SOS2: variants seen among roughly 807,000 people sequenced by gnomAD.
SOS2 encodes the protein son of sevenless homolog 2.
A neutral mutation model predicts 148.2 loss-of-function variants in SOS2; 65 were observed. That is an observed-to-expected ratio of 0.44 (90% CI 0.36 to 0.54). SOS2 has a LOEUF of 0.54. Among genes scored for constraint, SOS2 ranks in the 20% least tolerant of loss-of-function variants. SOS2 has a pLI of 0.00. For synonymous variants in SOS2, 539 were observed against 537.1 expected, an observed-to-expected ratio of 1.00 and a Z score of -0.05; for missense variants, 1,341 against 1,590.2, an observed-to-expected ratio of 0.84 and a Z score of 2.67.
At chr14:50,126,744 T>C (rs1256438883) in intron 21 of SOS2, among the ~76,000 whole-genome samples, 4 of 150,540 alleles carry the variant, frequency 2.7e-5, no homozygotes, top group Non-Finnish European at 4.4e-5. Context: ...GACAAGAAAA[T>C]TGGAGGATCA....
At chr14:50,211,032 G>GATAT (rs4028229) in intron 1 of SOS2, among the ~76,000 whole-genome samples, 2,438 of 149,202 alleles carry the variant, frequency 0.016, 27 homozygotes, top group African/African-American at 0.028. Context: ...TCCACTATAG[G>GATAT]ATATATATAT....
intron 14 of SOS2, among the ~76,000 whole-genome samples, 187 bp downstream of exon 14, chr14:50,149,821 A>C (rs545242066): frequency 6.6e-6 from 1 of 152,212 alleles, no homozygotes; most frequent in Non-Finnish European, 1.5e-5. Flanking sequence ...GCTAGTCCCC[A>C]GTCTAGACAT....
intron 1 of SOS2, among the ~76,000 whole-genome samples, chr14:50,225,583 G>A (rs1157124445): frequency 2.0e-5 from 3 of 152,092 alleles, no homozygotes; most frequent in African/African-American, 4.8e-5. Flanking sequence ...CATTCCTACC[G>A]CTCATCTAGT....
rs183837233 is a variant in SOS2 at position 50,213,688 on chromosome 14, A to C, written c.88-9279T>G. Among the ~76,000 whole-genome samples, 946 of 152,034 alleles carry C rather than the reference A, an allele frequency of 6.2e-3. 15 individuals carry two copies. Among genetic ancestry groups the C allele is most frequent in the African/African-American group, 8.6e-3 (357 of 41,466 alleles). On this transcript the variant is annotated intron_variant, in intron 1 of 22. Coordinates refer to ENST00000216373, the MANE Select transcript of SOS2 (RefSeq NM_006939.4). ...CCTGTCCCCCCCACCCCAAAAAAAA[A>C]CCCCAAAAATAGCATTTACAGTCAT... is the stretch of plus-strand genomic sequence containing the variant.
chr14:50,189,869 GAC>G (rs1372744223), intron 4 of SOS2, among the ~76,000 whole-genome samples: 2 of 145,566 alleles, frequency 1.4e-5, no homozygotes, highest in South Asian at 2.2e-4. Flanking sequence ...TTTTTTGTGA[GAC>G]ACAGTCTTGC....
chr14:50,137,618 A>G (rs12879671), intron 18 of SOS2, among the ~76,000 whole-genome samples: 45,307 of 152,034 alleles, frequency 0.3, 7,823 homozygotes, highest in Non-Finnish European at 0.4. Context: ...AATAATTATG[A>G]TATTTCTTAC....
intron 1 of SOS2, among the ~76,000 whole-genome samples, chr14:50,208,521 G>A (rs1214680119): frequency 6.6e-6 from 1 of 151,912 alleles, no homozygotes; most frequent in Non-Finnish European, 1.5e-5. Flanking sequence ...GGTGGCAGGT[G>A]CCTGTAGTCC....
intron 1 of SOS2, among the ~76,000 whole-genome samples, chr14:50,219,013 T>TGAGGCAGGAGAATCACTTGAACCCGG (rs2139846336): frequency 6.6e-6 from 1 of 151,938 alleles, no homozygotes; most frequent in East Asian, 1.9e-4. Context: ...CTCAGGAGGC[T>TGAGGCAGGAGAATCACTTGAACCCGG]GAGGCAGGAG....
At chr14:50,164,499 T>TG (rs1885112089) in intron 8 of SOS2, among the ~76,000 whole-genome samples, 1 of 151,442 alleles carries the variant, frequency 6.6e-6, no homozygotes, top group South Asian at 2.1e-4. Context: ...GACGTGGTGG[T>TG]GCATGCCTGT....
intron 16 of SOS2, among the ~76,000 whole-genome samples, chr14:50,144,046 A>C (rs1316588043): frequency 6.6e-6 from 1 of 152,180 alleles, no homozygotes; most frequent in South Asian, 2.1e-4. Flanking sequence ...AAAGTCTTAA[A>C]GTATATAAAT....
At chr14:50,223,323 C>T (rs1162947609) in intron 1 of SOS2, among the ~76,000 whole-genome samples, 1 of 152,004 alleles carries the variant, frequency 6.6e-6, no homozygotes, top group Non-Finnish European at 1.5e-5. Context: ...ATGCTTGGGC[C>T]CAGGAGTTGG....
intron 16 of SOS2, among the ~76,000 whole-genome samples, chr14:50,142,422 T>C (rs769156257): frequency 6.6e-6 from 1 of 152,176 alleles, no homozygotes; most frequent in Non-Finnish European, 1.5e-5. Context: ...TTTTCCTCTA[T>C]TCCCCTCTAA....
At chr14:50,153,669 A>G (rs1884731156) in intron 12 of SOS2, among the ~76,000 whole-genome samples, 1 of 152,042 alleles carries the variant, frequency 6.6e-6, no homozygotes, top group Non-Finnish European at 1.5e-5. Context: ...CTGGAGTGCA[A>G]TGGTGCGATC....
rs900821594 is a variant in SOS2, at chr14:50,231,426, C to G, written c.-143G>C. ...GGCTACGGCCGAGGCGGCTCGGAGG[C>G]GGCGCCGGCGGGCTGGCGGAGACCC... is the stretch of plus-strand genomic sequence containing the variant. On this transcript the variant is annotated 5_prime_UTR_variant, in exon 1 of 23. Transcript: ENST00000216373. 1.2e-5 allele frequency: 2 copies of G among 162,664 alleles called. No homozygotes were observed. The highest frequency in any genetic ancestry group is 2.5e-5 in the Non-Finnish European group (2 of 79,520). The allele number at this position is 162,664 out of a possible 1,614,324, so 10.1% of individuals were successfully genotyped here. A position where few individuals can be genotyped will look rare whatever the true frequency, so the allele number is the denominator to read the frequency against.
chr14:50,153,214 T>C, intron 12 of SOS2, 41 bp from the exon 13 acceptor site: 1 of 1,120,000 alleles, frequency 8.9e-7, no homozygotes, highest in Non-Finnish European at 1.3e-6. Flanking sequence ...GAAACATAAG[T>C]GTTCAATTAC....
At chr14:50,169,140 C>T (rs1404380775) in intron 8 of SOS2, among the ~76,000 whole-genome samples, 8 of 151,582 alleles carry the variant, frequency 5.3e-5, no homozygotes, top group South Asian at 4.2e-4. Flanking sequence ...GGTGAAACCC[C>T]GTCTCTACTA....
intron 8 of SOS2, among the ~76,000 whole-genome samples, chr14:50,167,201 C>T (rs1384050808): frequency 7.2e-5 from 11 of 151,772 alleles, no homozygotes; most frequent in Non-Finnish European, 1.5e-5. Flanking sequence ...TATGTCAGTA[C>T]TGAAAAAGTA....
intron 13 of SOS2, among the ~76,000 whole-genome samples, chr14:50,152,749 G>A (rs1316124297): frequency 6.6e-6 from 1 of 152,166 alleles, no homozygotes; most frequent in African/African-American, 2.4e-5. Context: ...GAGGTCAGGA[G>A]TTCAAGACAC....
chr14:50,210,077 A>T lies in SOS2; in HGVS notation c.88-5668T>A, dbSNP rs184509422. On this transcript the variant is annotated intron_variant, in intron 1 of 22. Transcript: ENST00000216373. Reference sequence around the variant, plus strand: ...AAAATCAGTCATATATTCTTTTTTTAAAATTACTAACAACAAAGTCATATG... The same window carrying T: ...AAAATCAGTCATATATTCTTTTTTTTAAATTACTAACAACAAAGTCATATG... 2.6e-4 allele frequency among the ~76,000 whole-genome samples: 39 copies of T among 152,312 alleles called. No individual in the cohort carries two copies. In the East Asian group the frequency reaches 4.0e-3, roughly 16 times the overall value.
Sources: allele counts gnomAD v4.1 joint callset (sites outside exome capture counted in the v4.1 genomes callset), GRCh38; gene constraint gnomAD v4.1.1; transcripts MANE v1.5; gene names NCBI Gene and HGNC (gene_info 2026-07-23, HGNC 2026-07-21).